COA1: variants seen among roughly 807,000 people sequenced by gnomAD.
COA1 encodes cytochrome c oxidase assembly factor 1 homolog.
A neutral mutation model predicts 16.0 loss-of-function variants in COA1; 13 were observed. That is an observed-to-expected ratio of 0.81 (90% CI 0.53 to 1.29). The LOEUF is 1.29. Ranked by LOEUF, COA1 falls within the 50% of genes most tolerant of loss-of-function variation. COA1 has a pLI of 0.00. For missense variants in COA1, 179 were observed against 177.0 expected (o/e 1.01, Z -0.06); for synonymous variants, 65 against 65.7 (o/e 0.99, Z 0.05).
chr7:43,691,329 G>A (rs866104337), intron 1 of COA1, among the ~76,000 whole-genome samples: 1 of 72,884 alleles, frequency 1.4e-5, no homozygotes, highest in Non-Finnish European at 2.7e-5. Context: ...AAGAAAGAAA[G>A]AGAAAGAGAG....
chr7:43,623,581 T>C (rs2084154293), intron 6 of COA1: 1 of 1,609,140 alleles, frequency 6.2e-7, no homozygotes, highest in Admixed American at 1.7e-5. Flanking sequence ...GCTCCTGAAA[T>C]TCTTAGTTAT....
chr7:43,626,645 T>C (rs992326408), intron 6 of COA1: 23 of 152,054 alleles, frequency 1.5e-4, no homozygotes, highest in African/African-American at 3.1e-4. Flanking sequence ...TCTGAAAAAA[T>C]AGGGAGGAGG....
In COA1 at chr7:43,704,688, C is replaced by T. The variant is rs188431766; in HGVS notation, c.-39+24741G>A. Among the ~76,000 whole-genome samples the T allele has an allele frequency of 3.9e-5, 6 of 152,224 alleles. No homozygotes were observed. The East Asian group carries it at 9.6e-4, about 24-fold the overall frequency. The stretch of plus-strand genomic sequence containing the variant: ...TCAGTTTGGTTCTTTCTTAAAATGG[C>T]TTTGTGGTCTTTCAACTCTTGCACT... On this transcript the variant is annotated intron_variant, in intron 1 of 5. Coordinates refer to ENST00000223336, the MANE Select transcript of COA1 (RefSeq NM_018224.4).
chr7:43,647,267 TG>T lies in COA1; in HGVS notation c.115+267del, dbSNP rs944164716. 1.6e-5 allele frequency: 8 copies of T among 505,020 alleles called. No homozygotes were observed. In the Admixed American group the frequency reaches 2.7e-4, roughly 17 times the overall value. 31.3% of individuals were successfully genotyped at this position (505,020 alleles called of 1,614,324 possible). Reference sequence around the variant, plus strand: ...TCAGAATCTTGATGGAGCCCCTGTGTGTGCACTGGACTGAAAGCCCATCGTG... The same window carrying T: ...TCAGAATCTTGATGGAGCCCCTGTGTTGCACTGGACTGAAAGCCCATCGTG... On this transcript the variant is annotated intron_variant, in intron 3 of 5. Coordinates refer to ENST00000223336, the MANE Select transcript of COA1 (RefSeq NM_018224.4).
chr7:43,618,662 A>C (rs1311693556), intron 6 of COA1, among the ~76,000 whole-genome samples: 1 of 152,244 alleles, frequency 6.6e-6, no homozygotes, highest in Non-Finnish European at 1.5e-5. Context: ...TTTACATTCT[A>C]GTCCATAATA....
chr7:43,621,898 C>T (rs2083932020), intron 6 of COA1, among the ~76,000 whole-genome samples: 1 of 152,178 alleles, frequency 6.6e-6, no homozygotes, highest in Admixed American at 6.5e-5. Context: ...TTTATGCCTC[C>T]CACAGTCATT....
intron 1 of COA1, among the ~76,000 whole-genome samples, chr7:43,710,348 CAAAAAAAAAAAA>C (rs1165121530): frequency 1.9e-5 from 1 of 52,442 alleles, no homozygotes; most frequent in Non-Finnish European, 3.5e-5. Context: ...GACTCTGTCT[CAAAAAAAAAAAA>C]AAAAAAAAAA....
At chr7:43,663,675 A>AAC (rs2092650972) in intron 1 of COA1, among the ~76,000 whole-genome samples, 1 of 149,060 alleles carries the variant, frequency 6.7e-6, no homozygotes, top group Admixed American at 6.7e-5. Context: ...TCAAAAAAAA[A>AAC]AAAAAAAAAA....
intron 1 of COA1, among the ~76,000 whole-genome samples, chr7:43,654,926 CTG>C (rs2091473041): frequency 6.6e-6 from 1 of 152,144 alleles, no homozygotes; most frequent in Non-Finnish European, 1.5e-5. Flanking sequence ...CCCAACCAAA[CTG>C]TGTGAAGAGG....
intron 1 of COA1, chr7:43,711,503 G>A (rs1320431184): frequency 6.6e-6 from 1 of 152,188 alleles, no homozygotes; most frequent in Admixed American, 6.6e-5. Context: ...GATCCATTGA[G>A]TCAAAAGGTG....
At position 43,624,921 on chromosome 7, in the gene COA1, C is replaced by G. The variant is rs1166922451; in HGVS notation, c.*133+14528G>C. On this transcript the variant is annotated intron_variant and NMD_transcript_variant, in intron 6 of 6. Transcript: ENST00000415076. Reference sequence around the variant, plus strand: ...TTTATGGACCTCTGGCCAAATGGTACATGTACTGGAAGTGGATAACCAGTA... The same window carrying G: ...TTTATGGACCTCTGGCCAAATGGTAGATGTACTGGAAGTGGATAACCAGTA... 12 of 1,258,438 alleles carry G rather than the reference C, an allele frequency of 9.5e-6. No homozygotes were observed. In the South Asian group the frequency reaches 1.8e-4, roughly 19 times the overall value. The allele number at this position is 1,258,438 out of a possible 1,614,324, so 78.0% of individuals were successfully genotyped here.
chr7:43,697,210 A>G (rs1168468723), intron 1 of COA1, among the ~76,000 whole-genome samples: 2 of 152,170 alleles, frequency 1.3e-5, no homozygotes, highest in Admixed American at 1.3e-4. Flanking sequence ...TGATAGGTAC[A>G]TGGGTATTTG....
At chr7:43,691,078 CAAAA>C (rs2094265891) in intron 1 of COA1, among the ~76,000 whole-genome samples, 2 of 114,216 alleles carry the variant, frequency 1.8e-5, no homozygotes, top group Admixed American at 8.7e-5. Flanking sequence ...AAAAAAAAAA[CAAAA>C]AGAAAAGAAA....
chr7:43,724,245 C>T (rs771094770), intron 1 of COA1, among the ~76,000 whole-genome samples: 1 of 151,982 alleles, frequency 6.6e-6, no homozygotes. Flanking sequence ...CTTCTGGATA[C>T]GTATACCTAA....
chr7:43,658,119 G>GT (rs1387537195), intron 1 of COA1, among the ~76,000 whole-genome samples: 1 of 152,114 alleles, frequency 6.6e-6, no homozygotes, highest in Non-Finnish European at 1.5e-5. Flanking sequence ...GCTCACGCTT[G>GT]TAATCCCAGC....
intron 1 of COA1, among the ~76,000 whole-genome samples, chr7:43,653,765 A>G (rs1350786024): frequency 2.0e-5 from 3 of 152,082 alleles, no homozygotes; most frequent in Admixed American, 6.5e-5. Context: ...CACCAACCTA[A>G]TATCAGAGAT....
intron 4 of COA1, 30 bp downstream of exon 4, chr7:43,645,221 A>C: frequency 6.2e-7 from 1 of 1,607,888 alleles, no homozygotes; most frequent in Non-Finnish European, 8.5e-7. Flanking sequence ...AGCAGGCACC[A>C]GCCTGCGGTT....
chr7:43,704,067 C>T lies in COA1; in HGVS notation c.-39+25362G>A, dbSNP rs1218899252. Among the ~76,000 whole-genome samples, 6 of 152,106 alleles carry T rather than the reference C, an allele frequency of 3.9e-5. 1 individual carries two copies. Among genetic ancestry groups the T allele is most frequent in the Middle Eastern group, 6.3e-3 (2 of 316 alleles). On this transcript the variant is annotated intron_variant, in intron 1 of 5. Coordinates refer to ENST00000223336, the MANE Select transcript of COA1 (RefSeq NM_018224.4). The stretch of plus-strand genomic sequence containing the variant: ...CCTGAAAAGGATTTTATTTTTCTTT[C>T]GCTTATAAAGCTTAGTTTGGCCAGA...
chr7:43,691,421 A>AGGAAG (rs1554542662), intron 1 of COA1, among the ~76,000 whole-genome samples: 38 of 87,404 alleles, frequency 4.3e-4, no homozygotes, highest in East Asian at 1.7e-3. Flanking sequence ...GGAAGAAAGA[A>AGGAAG]AAAGAAAGAA....
Sources: gnomAD v4.1 joint callset for allele counts (sites outside exome capture counted in the v4.1 genomes callset) on GRCh38, gnomAD v4.1.1 for gene constraint, MANE v1.5 for transcripts, NCBI Gene and HGNC (gene_info 2026-07-23, HGNC 2026-07-21) for gene names.